The following MECOM variants were observed in gnomAD, a reference collection of about 807,000 sequenced individuals.
The protein encoded by MECOM is MDS1 and EVI1 complex locus.
MECOM carries 13 observed loss-of-function variants against 116.3 expected under a neutral mutation model. The ratio of observed to expected loss-of-function variants is 0.11; its 90% CI spans 0.07 to 0.18. The LOEUF (loss-of-function observed/expected upper bound fraction) is 0.18. Among genes scored for constraint, MECOM ranks in the 10% least tolerant of loss-of-function variants. The probability of loss-of-function intolerance (pLI) is 1.00; values close to 1 mark genes in which losing one functional copy is unlikely to be tolerated. For synonymous variants in MECOM, 528 were observed against 535.2 expected (o/e 0.99, Z 0.19); for missense variants, 1,299 against 1,509.0 (o/e 0.86, Z 2.31).
At chr3:169,242,688 C>A (rs1179534194) in intron 2 of MECOM, among the ~76,000 whole-genome samples, 1 of 152,100 alleles carries the variant, frequency 6.6e-6, no homozygotes, top group Non-Finnish European at 1.5e-5. Flanking sequence ...CGAACAGAGG[C>A]TGCAGTGTAT....
rs1178467204 is a variant in MECOM, at chr3:169,482,325, G to GTTCTTTTTTTTTTT, written c.38-100815_38-100802dup. 0.011 allele frequency among the ~76,000 whole-genome samples: 1,116 copies of GTTCTTTTTTTTTTT among 103,494 alleles called. 101 individuals carry two copies. In the East Asian group the frequency reaches 0.2, roughly 19 times the overall value. 67.9% of individuals were successfully genotyped at this position (103,494 alleles called of 152,430 possible). A position where few individuals can be genotyped will look rare whatever the true frequency, so the allele number is the denominator to read the frequency against. Reference sequence around the variant, plus strand: ...TCTGTTACAGGGGAGCTTAACCCACGTTCTTTTTTTTTTTTTTTTTTTTTG... The same window carrying GTTCTTTTTTTTTTT: ...TCTGTTACAGGGGAGCTTAACCCACGTTCTTTTTTTTTTTTTCTTTTTTTTTTTTTTTTTTTTTG... On this transcript the variant is annotated intron_variant, in intron 1 of 16. Coordinates refer to ENST00000651503, the MANE Select transcript of MECOM (RefSeq NM_004991.4).
chr3:169,436,966 CAT>C (rs1050619955), intron 1 of MECOM, among the ~76,000 whole-genome samples: 8 of 152,114 alleles, frequency 5.3e-5, no homozygotes, highest in African/African-American at 1.7e-4. Flanking sequence ...TTTCTGGAAT[CAT>C]AGAGAATAAA....
Position 169,120,462 on chromosome 3 carries a change from C to T in MECOM, c.1132+594G>A, listed in dbSNP as rs572038512. 2.6e-5 allele frequency among the ~76,000 whole-genome samples: 4 copies of T among 152,278 alleles called. No homozygotes were observed. In the South Asian group the frequency reaches 8.3e-4, roughly 32 times the overall value. ...TTGGTGCAGTGGGTAAGAGAAACAG[C>T]ATGTCCAGCATCTAAGTGAAAATGT... On this transcript the variant is annotated intron_variant, in intron 7 of 16. Transcript: ENST00000651503.
chr3:169,462,750 G>A (rs2108745925), intron 1 of MECOM, among the ~76,000 whole-genome samples: 1 of 152,170 alleles, frequency 6.6e-6, no homozygotes, highest in Middle Eastern at 3.4e-3. Flanking sequence ...AATGAATACT[G>A]TAAAGGTAGT....
intron 1 of MECOM, among the ~76,000 whole-genome samples, chr3:169,623,706 C>G (rs1480843613): frequency 1.3e-5 from 2 of 152,012 alleles, no homozygotes; most frequent in African/African-American, 4.8e-5. Context: ...TTCTCCTCTA[C>G]TGACCCTACT....
chr3:169,442,999 T>C (rs1743991274), intron 1 of MECOM, among the ~76,000 whole-genome samples: 1 of 152,092 alleles, frequency 6.6e-6, no homozygotes, highest in Non-Finnish European at 1.5e-5. Context: ...GTCTGCTGAA[T>C]TTCAGTGAAT....
chr3:169,388,048 C>G (rs943750896), intron 1 of MECOM, among the ~76,000 whole-genome samples: 2 of 151,854 alleles, frequency 1.3e-5, no homozygotes, highest in Non-Finnish European at 2.9e-5. Flanking sequence ...TGCAAGCAGA[C>G]AGGAAGGATT....
chr3:169,564,694 C>T (rs1292607924), intron 1 of MECOM, among the ~76,000 whole-genome samples: 1 of 152,194 alleles, frequency 6.6e-6, no homozygotes, highest in African/African-American at 2.4e-5. Context: ...AATTTAATTA[C>T]CAAAATCTCC....
chr3:169,119,471 T>C (rs1730270872), intron 7 of MECOM, among the ~76,000 whole-genome samples: 1 of 152,194 alleles, frequency 6.6e-6, no homozygotes, highest in South Asian at 2.1e-4. Flanking sequence ...TATGGCACTT[T>C]AAAGTGAAAC....
intron 1 of MECOM, among the ~76,000 whole-genome samples, chr3:169,408,176 G>A (rs546405303): frequency 6.6e-6 from 1 of 152,220 alleles, no homozygotes; most frequent in East Asian, 1.9e-4. Context: ...GAAATAAGAG[G>A]AAAACTTCCG....
chr3:169,478,114 C>T (rs1048808984), intron 1 of MECOM, among the ~76,000 whole-genome samples: 1 of 152,106 alleles, frequency 6.6e-6, no homozygotes, highest in Admixed American at 6.5e-5. Context: ...ACAAATGGCT[C>T]GGAGCCTGAC....
At chr3:169,317,733 G>A (rs553686409) in intron 2 of MECOM, among the ~76,000 whole-genome samples, 37 of 151,944 alleles carry the variant, frequency 2.4e-4, no homozygotes, top group Non-Finnish European at 3.4e-4. Flanking sequence ...TTAAAAATAT[G>A]AGCTACCATT....
intron 10 of MECOM, among the ~76,000 whole-genome samples, chr3:169,106,647 A>G (rs1725549538): frequency 6.6e-6 from 1 of 152,156 alleles, no homozygotes; most frequent in Non-Finnish European, 1.5e-5. Flanking sequence ...TAAAATCTAT[A>G]TTGCCTTGGT....
chr3:169,356,885 G>C (rs528138559), intron 2 of MECOM, among the ~76,000 whole-genome samples: 1 of 151,850 alleles, frequency 6.6e-6, no homozygotes, highest in African/African-American at 2.4e-5. Context: ...TTATGAAAAT[G>C]GTAACTTAAA....
intron 1 of MECOM, among the ~76,000 whole-genome samples, chr3:169,654,364 C>T (rs1482312765): frequency 6.6e-6 from 1 of 152,222 alleles, no homozygotes; most frequent in African/African-American, 2.4e-5. Context: ...TGGAAAGCCA[C>T]TCTGCTCAAA....
At chr3:169,290,089 T>C (rs765552904) in intron 2 of MECOM, among the ~76,000 whole-genome samples, 1 of 152,164 alleles carries the variant, frequency 6.6e-6, no homozygotes, top group African/African-American at 2.4e-5. Context: ...GCCCCGATAC[T>C]ACCCTAAACA....
chr3:169,568,063 C>T (rs762281040), intron 1 of MECOM, among the ~76,000 whole-genome samples: 16 of 152,170 alleles, frequency 1.1e-4, no homozygotes, highest in East Asian at 1.9e-4. Flanking sequence ...GTGCAGCCCA[C>T]GGAGGGTGAG....
intron 1 of MECOM, among the ~76,000 whole-genome samples, chr3:169,547,796 G>A (rs1760911363): frequency 6.6e-6 from 1 of 152,132 alleles, no homozygotes; most frequent in Admixed American, 6.5e-5. Context: ...GGAGACCAGA[G>A]ATCCAGAGGG....
chr3:169,516,980 TG>T lies in MECOM; in HGVS notation c.38-135457del, dbSNP rs1300711918. Among the ~76,000 whole-genome samples the T allele has an allele frequency of 3.3e-5, 5 of 152,322 alleles. No homozygotes were observed. In the East Asian group the frequency reaches 9.6e-4, roughly 29 times the overall value. On this transcript the variant is annotated intron_variant, in intron 1 of 16. Transcript: ENST00000651503. ...GTAGGAAATCATATACTTTGTGGCATGAGCAATAGGAACTTTCCTTTCAGGT... is the reference window on the plus strand; with the variant it reads ...GTAGGAAATCATATACTTTGTGGCATAGCAATAGGAACTTTCCTTTCAGGT...
Sources: gnomAD v4.1 joint callset for allele counts (sites outside exome capture counted in the v4.1 genomes callset) on GRCh38, gnomAD v4.1.1 for gene constraint, MANE v1.5 for transcripts, NCBI Gene and HGNC (gene_info 2026-07-23, HGNC 2026-07-21) for gene names.